PALLD: variants seen among roughly 807,000 people sequenced by gnomAD.
PALLD encodes palladin.
In PALLD, 61 loss-of-function variants were observed where a neutral mutation model predicts 123.5. That is an observed-to-expected ratio of 0.49 (90% CI 0.40 to 0.61). The LOEUF (loss-of-function observed/expected upper bound fraction) is 0.61, where lower values mean the gene tolerates loss of function less well. Among genes scored for constraint, PALLD ranks in the 20% least tolerant of loss-of-function variants. The pLI, the probability that PALLD is intolerant of heterozygous loss-of-function variation, is 0.00. For synonymous variants in PALLD, 465 were observed against 496.4 expected (o/e 0.94, Z 0.84); for missense variants, 1,273 against 1,377.0 (o/e 0.92, Z 1.20).
intron 2 of PALLD, among the ~76,000 whole-genome samples, chr4:168,626,910 C>G (rs954421029): frequency 1.1e-4 from 16 of 152,052 alleles, no homozygotes; most frequent in Non-Finnish European, 2.2e-4. Flanking sequence ...GTCATATAAA[C>G]ATGGAAAAGA....
At chr4:168,811,875 T>A (rs1741214307) in intron 10 of PALLD, among the ~76,000 whole-genome samples, 1 of 151,844 alleles carries the variant, frequency 6.6e-6, no homozygotes, top group African/African-American at 2.4e-5. Flanking sequence ...GCGTTGGATA[T>A]TAGGGGTGTC....
intron 12 of PALLD, among the ~76,000 whole-genome samples, chr4:168,895,818 C>A (rs1755002973): frequency 6.6e-6 from 1 of 152,198 alleles, no homozygotes; most frequent in Non-Finnish European, 1.5e-5. Flanking sequence ...AAAATATTAT[C>A]TCTTTATCTT....
intron 2 of PALLD, among the ~76,000 whole-genome samples, chr4:168,527,487 A>G (rs1007266344): frequency 6.0e-5 from 9 of 151,180 alleles, no homozygotes; most frequent in Non-Finnish European, 1.3e-4. Context: ...CGAGTAGGAT[A>G]CAGAAGGAAA....
rs1422646589 is a variant in PALLD, at chr4:168,665,459, AG to A, written c.909-2729del. Among the ~76,000 whole-genome samples the A allele has an allele frequency of 1.1e-4, 17 of 152,246 alleles. 1 individual carries two copies. Among genetic ancestry groups the A allele is most frequent in the African/African-American group, 3.9e-4 (16 of 41,540 alleles). On this transcript the variant is annotated intron_variant, in intron 2 of 21. Transcript: ENST00000505667. Reference sequence around the variant, plus strand: ...CATTTTTAAAAAATGGTTGCTTGGGAGGTTGAGGCAGGAGAATGGCATGAAC... The same window carrying A: ...CATTTTTAAAAAATGGTTGCTTGGGAGTTGAGGCAGGAGAATGGCATGAAC...
At chr4:168,855,310 C>T (rs1250723657) in intron 10 of PALLD, among the ~76,000 whole-genome samples, 1 of 151,966 alleles carries the variant, frequency 6.6e-6, no homozygotes, top group Non-Finnish European at 1.5e-5. Context: ...AGGATGGTCT[C>T]GATCTCTTGA....
intron 10 of PALLD, among the ~76,000 whole-genome samples, chr4:168,799,734 G>T (rs944921981): frequency 1.3e-5 from 2 of 151,986 alleles, no homozygotes; most frequent in Non-Finnish European, 2.9e-5. Flanking sequence ...AATAAATTTT[G>T]GTGTATCTGA....
At chr4:168,518,893 A>G (rs1424958920) in intron 2 of PALLD, among the ~76,000 whole-genome samples, 1 of 152,208 alleles carries the variant, frequency 6.6e-6, no homozygotes, top group Non-Finnish European at 1.5e-5. Context: ...CAGGTGCTCA[A>G]TAAATATGTG....
At chr4:168,629,969 A>G (rs1198912701) in intron 2 of PALLD, among the ~76,000 whole-genome samples, 1 of 152,186 alleles carries the variant, frequency 6.6e-6, no homozygotes, top group Admixed American at 6.5e-5. Context: ...TAAATTTCAG[A>G]CTTCTAAACA....
intron 2 of PALLD, among the ~76,000 whole-genome samples, chr4:168,521,799 T>G (rs1763594779): frequency 6.6e-6 from 1 of 152,236 alleles, no homozygotes; most frequent in Admixed American, 6.5e-5. Context: ...GATTTGTATC[T>G]CAGAGTCGGA....
intron 17 of PALLD, among the ~76,000 whole-genome samples, chr4:168,919,142 C>T (rs1760877906): frequency 6.6e-6 from 1 of 152,088 alleles, no homozygotes; most frequent in Non-Finnish European, 1.5e-5. Flanking sequence ...CATAACTGTC[C>T]TTAAAACGCC....
At chr4:168,853,704 G>A (rs575715613) in intron 10 of PALLD, among the ~76,000 whole-genome samples, 6 of 152,280 alleles carry the variant, frequency 3.9e-5, no homozygotes, top group South Asian at 4.1e-4. Context: ...TACAGGGGGC[G>A]ACCAGGCCTG....
At chr4:168,771,659 T>C (rs1357407710) in intron 10 of PALLD, among the ~76,000 whole-genome samples, 2 of 152,134 alleles carry the variant, frequency 1.3e-5, no homozygotes, top group Non-Finnish European at 2.9e-5. Context: ...GCCCACACCA[T>C]AGAGGGCTTG....
At chr4:168,529,068 C>T (rs948832812) in intron 2 of PALLD, among the ~76,000 whole-genome samples, 5 of 152,086 alleles carry the variant, frequency 3.3e-5, no homozygotes, top group African/African-American at 4.8e-5. Flanking sequence ...TGCTTTGGGC[C>T]GGGCACGGTG....
At chr4:168,811,768 TCTCTCTCTCACACACA>T (rs1437165509) in intron 10 of PALLD, among the ~76,000 whole-genome samples, 1 of 109,844 alleles carries the variant, frequency 9.1e-6, no homozygotes, top group Non-Finnish European at 2.0e-5. Flanking sequence ...TCTCTCTCTC[TCTCTCTCTCACACACA>T]CACACACACA....
At chr4:168,655,976 C>G (rs1778519446) in intron 2 of PALLD, among the ~76,000 whole-genome samples, 1 of 152,168 alleles carries the variant, frequency 6.6e-6, no homozygotes, top group Non-Finnish European at 1.5e-5. Flanking sequence ...GCCCCTTTGC[C>G]TAGTTTGACT....
At position 168,616,975 on chromosome 4, in the gene PALLD, T is replaced by C. The variant is rs372730939; in HGVS notation, c.909-51215T>C. Among the ~76,000 whole-genome samples, 4 of 152,188 alleles carry C rather than the reference T, an allele frequency of 2.6e-5. No homozygotes were observed. The East Asian group carries it at 5.8e-4, about 22-fold the overall frequency. On this transcript the variant is annotated intron_variant, in intron 2 of 21. Transcript: ENST00000505667. ...TCCGTTTTATGGTTCCAGGCCACCATGGAGATGCAAGCATAAGTGCTGTGA... is the reference window on the plus strand; with the variant it reads ...TCCGTTTTATGGTTCCAGGCCACCACGGAGATGCAAGCATAAGTGCTGTGA...
chr4:168,573,944 T>A (rs1360073972), intron 2 of PALLD, among the ~76,000 whole-genome samples: 2 of 152,122 alleles, frequency 1.3e-5, no homozygotes, highest in South Asian at 4.1e-4. Context: ...AGCAGCTTTT[T>A]TTTTTTTGCA....
intron 2 of PALLD, among the ~76,000 whole-genome samples, chr4:168,513,309 A>G (rs1762700225): frequency 6.6e-6 from 1 of 152,218 alleles, no homozygotes; most frequent in Non-Finnish European, 1.5e-5. Context: ...CCACTAGAGC[A>G]TGGAGACAGC....
At chr4:168,740,617 T>TATGGAAAGTTCTTTTGAAAG (rs534666745) in intron 10 of PALLD, among the ~76,000 whole-genome samples, 1 of 152,152 alleles carries the variant, frequency 6.6e-6, no homozygotes, top group African/African-American at 2.4e-5. Context: ...GAGTTGGTGG[T>TATGGAAAGTTCTTTTGAAAG]ATGGAAAGTT....
Sources: gnomAD v4.1 joint callset for allele counts (sites outside exome capture counted in the v4.1 genomes callset) on GRCh38, gnomAD v4.1.1 for gene constraint, MANE v1.5 for transcripts, NCBI Gene and HGNC (gene_info 2026-07-23, HGNC 2026-07-21) for gene names.